The following AMD1 variants were observed in gnomAD, a reference collection of about 807,000 sequenced individuals.
AMD1 encodes the protein adenosylmethionine decarboxylase 1.
AMD1 carries 11 observed loss-of-function variants against 40.2 expected under a neutral mutation model. That is an observed-to-expected ratio of 0.27 (90% CI 0.17 to 0.45). The LOEUF (loss-of-function observed/expected upper bound fraction) is 0.45. Among genes scored for constraint, AMD1 ranks in the 20% least tolerant of loss-of-function variants. The pLI, the probability that AMD1 is intolerant of heterozygous loss-of-function variation, is 1.00. For missense variants in AMD1, 257 were observed against 410.2 expected, an observed-to-expected ratio of 0.63 and a Z score of 3.23; for synonymous variants, 121 against 130.8, an observed-to-expected ratio of 0.93 and a Z score of 0.51.
At chr6:110,844,473 A>G in the AMD1 span, among the ~76,000 whole-genome samples, 1 of 151,500 alleles carries the variant, frequency 6.6e-6, no homozygotes, top group African/African-American at 2.4e-5. Flanking sequence ...TAGTATTTTT[A>G]TGATATCTAG....
rs756976634 is a variant in AMD1, at chr6:110,887,459, G to A, written c.111-46G>A. The stretch of plus-strand genomic sequence containing the variant: ...TGAGCTTTGTAATTTTTATGAGTAG[G>A]TGGGTACTATTGTGGATTAATCGTA... On this transcript the variant is annotated intron_variant, in intron 1 of 8. Coordinates refer to ENST00000368885, the MANE Select transcript of AMD1 (RefSeq NM_001634.6). The A allele has an allele frequency of 2.9e-6, 4 of 1,362,144 alleles. No homozygotes were observed. In the South Asian group the frequency reaches 3.9e-5, roughly 13 times the overall value. 84.4% of individuals were successfully genotyped at this position (1,362,144 alleles called of 1,614,324 possible).
the AMD1 span, among the ~76,000 whole-genome samples, chr6:110,832,110 T>A: frequency 6.7e-6 from 1 of 150,160 alleles, no homozygotes; most frequent in East Asian, 2.0e-4. Context: ...CCTCCCCAGG[T>A]TCAAGCGATT....
chr6:110,870,629 AAAAACAATAAC>A (rs1281547888), upstream of AMD1, among the ~76,000 whole-genome samples: 1 of 152,202 alleles, frequency 6.6e-6, no homozygotes. Context: ...GCCTCAAAAC[AAAAACAATAAC>A]AAAACAAAAA....
chr6:110,848,614 C>A, the AMD1 span: 1 of 567,106 alleles, frequency 1.8e-6, no homozygotes, highest in Admixed American at 2.7e-5. Context: ...AATAAATCTT[C>A]TTTTGCAACC....
chr6:110,861,090 G>C, the AMD1 span, among the ~76,000 whole-genome samples: 1 of 152,046 alleles, frequency 6.6e-6, no homozygotes, highest in African/African-American at 2.4e-5. Context: ...TGGGCACGCT[G>C]GCTCACTCCT....
chr6:110,840,500 T>C, the AMD1 span, among the ~76,000 whole-genome samples: 4 of 152,078 alleles, frequency 2.6e-5, no homozygotes, highest in Admixed American at 6.6e-5. Flanking sequence ...TTATAAAATA[T>C]AGGATATTCC....
chr6:110,882,334 TA>T (rs754143125), intron 1 of AMD1, among the ~76,000 whole-genome samples: 6 of 152,178 alleles, frequency 3.9e-5, no homozygotes, highest in Non-Finnish European at 5.9e-5. Flanking sequence ...AAACTTTCTG[TA>T]AAGGACTAGG....
the AMD1 span, among the ~76,000 whole-genome samples, chr6:110,835,846 C>T: frequency 6.6e-6 from 1 of 151,522 alleles, no homozygotes; most frequent in Admixed American, 6.6e-5. Context: ...GCCTGGGCAA[C>T]AAGAGCAAGA....
chr6:110,852,763 C>T, the AMD1 span, among the ~76,000 whole-genome samples: 1 of 152,176 alleles, frequency 6.6e-6, no homozygotes, highest in Non-Finnish European at 1.5e-5. Context: ...GCGTAAGAGT[C>T]AATTTTCATA....
Position 110,892,420 on chromosome 6 carries a change from G to A in AMD1, c.592G>A (p.Val198Ile). ...GGACCAGTTCTACATGAAAGATGGT[G>A]TTACTGCAAAGGATGTCACTCGTGT... ...VMDQFYMKDG[V>I]TAKDVTRESG... Residue 198 changes from valine to isoleucine, a missense_variant, in exon 6 of 9, where the codon GTT (valine) becomes ATT (isoleucine). By Grantham distance (29) the Val-to-Ile change is conservative. Around this residue, in one of 3 missense-constraint regions of AMD1, gnomAD observed 192 missense variants for 296.5 expected, o/e 0.65. Transcript: ENST00000368885. The A allele has an allele frequency of 6.2e-7, 1 of 1,612,316 alleles. No homozygotes were observed. The highest frequency in any genetic ancestry group is 8.5e-7 in the Non-Finnish European group (1 of 1,180,034).
At chr6:110,873,780 A>T (rs1310463609), upstream of AMD1, among the ~76,000 whole-genome samples, 1 of 152,206 alleles carries the variant, frequency 6.6e-6, no homozygotes, top group Non-Finnish European at 1.5e-5. Flanking sequence ...AGTTACCACC[A>T]GTGATAGCTC....
chr6:110,864,614 G>A, the AMD1 span, among the ~76,000 whole-genome samples: 71 of 152,348 alleles, frequency 4.7e-4, no homozygotes, highest in African/African-American at 1.7e-3. Context: ...GATGTTTTGA[G>A]ATAGTGATTG....
At chr6:110,837,995 G>C in the AMD1 span, among the ~76,000 whole-genome samples, 4 of 149,536 alleles carry the variant, frequency 2.7e-5, no homozygotes, top group Admixed American at 2.7e-4. Context: ...CTGGGAGGCA[G>C]AGGTGGCAGT....
the AMD1 span, among the ~76,000 whole-genome samples, chr6:110,853,499 G>C: frequency 6.6e-6 from 1 of 152,084 alleles, no homozygotes. Context: ...AGTAGAGACA[G>C]GGTTTCACCA....
At chr6:110,833,569 T>C in the AMD1 span, among the ~76,000 whole-genome samples, 1 of 152,250 alleles carries the variant, frequency 6.6e-6, no homozygotes, top group East Asian at 1.9e-4. Context: ...TTATTATTTA[T>C]TTCTCTATAA....
chr6:110,889,046 T>C (rs1379747034), intron 3 of AMD1, 63 bp downstream of exon 3: 2 of 1,573,944 alleles, frequency 1.3e-6, no homozygotes, highest in Admixed American at 3.7e-5. Context: ...TCCTGTAATA[T>C]GCGAAGTAAA....
chr6:110,876,655 G>T (rs1217246638), intron 1 of AMD1, among the ~76,000 whole-genome samples: 1 of 151,924 alleles, frequency 6.6e-6, no homozygotes, highest in East Asian at 1.9e-4. Context: ...AATGTCTATA[G>T]CGCTTACTAC....
chr6:110,837,949 C>A, the AMD1 span, among the ~76,000 whole-genome samples: 1 of 149,312 alleles, frequency 6.7e-6, no homozygotes, highest in Non-Finnish European at 1.5e-5. Flanking sequence ...GTAATCCCAG[C>A]TACTCAGGAG....
the AMD1 span, chr6:110,815,399 T>C: frequency 0.82 from 262,012 of 319,798 alleles, 108,123 homozygotes; most frequent in African/African-American, 0.95. Flanking sequence ...CCCGCCTCCC[T>C]CCTTCATTTC....
Sources: allele counts gnomAD v4.1 joint callset (sites outside exome capture counted in the v4.1 genomes callset), GRCh38; gene constraint gnomAD v4.1.1; regional missense constraint gnomAD v4.1.1; transcripts MANE v1.5; gene names NCBI Gene and HGNC (gene_info 2026-07-23, HGNC 2026-07-21).